Variants in SNTG1 observed in about 807,000 individuals in gnomAD.
SNTG1 encodes the protein syntrophin gamma 1, also known as gamma-1-syntrophin.
Under a neutral mutation model 74.7 loss-of-function variants are expected in SNTG1, and 39 were observed. That is an observed-to-expected ratio of 0.52 (90% CI 0.40 to 0.68). The LOEUF is 0.68. Among genes scored for constraint, SNTG1 ranks in the 30% least tolerant of loss-of-function variants. SNTG1 has a pLI of 0.00. For synonymous variants in SNTG1, 254 were observed against 217.1 expected (o/e 1.17, Z -1.49); for missense variants, 685 against 609.5 (o/e 1.12, Z -1.30).
intron 10 of SNTG1, 65 bp downstream of exon 10, chr8:50,530,324 G>A (rs972221417): frequency 1.2e-5 from 17 of 1,445,036 alleles, no homozygotes; most frequent in Non-Finnish European, 1.6e-5. Context: ...AAAACTGCTA[G>A]TGAATCTGAT....
In SNTG1 at chr8:50,753,188, C is replaced by A. The variant is rs1274811375; in HGVS notation, c.1395+1077C>A. ...ACACAGCCTCTTCCCTAAATATAGA[C>A]CCATCTCTGCACCGGCCCTTTCTCT... On this transcript the variant is annotated intron_variant, in intron 18 of 18. Transcript: ENST00000642720. Among the ~76,000 whole-genome samples, 3 of 152,046 alleles carry A rather than the reference C, an allele frequency of 2.0e-5. No individual in the cohort carries two copies. In the East Asian group the frequency reaches 5.9e-4, roughly 30 times the overall value.
At chr8:49,979,152 G>C (rs544732540) in intron 1 of SNTG1, among the ~76,000 whole-genome samples, 1 of 152,322 alleles carries the variant, frequency 6.6e-6, no homozygotes, top group African/African-American at 2.4e-5. Flanking sequence ...GGGAAGGACT[G>C]TCCCTTATGG....
chr8:50,191,915 A>T (rs970499242), intron 2 of SNTG1, among the ~76,000 whole-genome samples: 6 of 152,142 alleles, frequency 3.9e-5, no homozygotes, highest in African/African-American at 1.4e-4. Context: ...AATAACTCAA[A>T]AGCAAATGTA....
intron 2 of SNTG1, among the ~76,000 whole-genome samples, chr8:50,331,113 G>T (rs1252700131): frequency 6.6e-6 from 1 of 152,104 alleles, no homozygotes; most frequent in African/African-American, 2.4e-5. Context: ...TTTATCATGT[G>T]TGTGTGTATG....
intron 2 of SNTG1, among the ~76,000 whole-genome samples, chr8:50,262,282 CAGAGG>C (rs1204886114): frequency 6.6e-6 from 1 of 152,058 alleles, no homozygotes; most frequent in Non-Finnish European, 1.5e-5. Flanking sequence ...AAGTTTCCAG[CAGAGG>C]AAACTATAGA....
chr8:50,782,965 C>A (rs1245120775), intron 18 of SNTG1, among the ~76,000 whole-genome samples: 1 of 152,116 alleles, frequency 6.6e-6, no homozygotes, highest in East Asian at 1.9e-4. Flanking sequence ...TGCCAGAGGT[C>A]CACCCCAGAC....
At chr8:50,784,382 C>A (rs543641438) in intron 18 of SNTG1, among the ~76,000 whole-genome samples, 19 of 151,824 alleles carry the variant, frequency 1.3e-4, no homozygotes, top group Non-Finnish European at 2.1e-4. Flanking sequence ...GAAAAAAGAA[C>A]CCGAATAACT....
At chr8:50,389,090 T>C (rs1249989293) in intron 2 of SNTG1, among the ~76,000 whole-genome samples, 1 of 152,162 alleles carries the variant, frequency 6.6e-6, no homozygotes, top group Non-Finnish European at 1.5e-5. Flanking sequence ...ATTGCAGAAG[T>C]GCTAGAGGGC....
At position 50,091,599 on chromosome 8, in the gene SNTG1, T is replaced by C. The variant is rs559049482; in HGVS notation, c.-102-80962T>C. ...ATGTCCTCCAGGTTCATCTGTGTTG[T>C]CTAAAATGGTAAGATTTTCTTATTT... is the stretch of plus-strand genomic sequence containing the variant. On this transcript the variant is annotated intron_variant, in intron 1 of 18. Coordinates refer to ENST00000642720, the MANE Select transcript of SNTG1 (RefSeq NM_018967.5). Among the ~76,000 whole-genome samples, 102 of 152,258 alleles carry C rather than the reference T, an allele frequency of 6.7e-4. 2 individuals are homozygous for C. Among genetic ancestry groups the C allele is most frequent in the South Asian group, 3.7e-3 (18 of 4,828 alleles).
intron 13 of SNTG1, among the ~76,000 whole-genome samples, chr8:50,618,016 G>T (rs1351879666): frequency 6.6e-6 from 1 of 152,130 alleles, no homozygotes; most frequent in Non-Finnish European, 1.5e-5. Flanking sequence ...ATGGAAGAAA[G>T]TCTGGCAGAC....
chr8:50,299,154 G>A (rs545684520), intron 2 of SNTG1, among the ~76,000 whole-genome samples: 2 of 152,080 alleles, frequency 1.3e-5, no homozygotes, highest in Non-Finnish European at 2.9e-5. Flanking sequence ...TTTTAGCATG[G>A]CAGGTGTAGA....
chr8:50,600,392 A>G (rs995836981), intron 13 of SNTG1, among the ~76,000 whole-genome samples: 2 of 152,116 alleles, frequency 1.3e-5, no homozygotes, highest in African/African-American at 4.8e-5. Context: ...TAAATGTTTG[A>G]TAGAATTTAG....
chr8:50,058,114 T>C (rs1463697995), intron 1 of SNTG1, among the ~76,000 whole-genome samples: 7 of 152,106 alleles, frequency 4.6e-5, no homozygotes, highest in African/African-American at 1.7e-4. Flanking sequence ...CTTTGAGATT[T>C]CTAAAGCCAC....
chr8:50,048,129 T>C (rs1277582044), intron 1 of SNTG1, among the ~76,000 whole-genome samples: 1 of 152,152 alleles, frequency 6.6e-6, no homozygotes, highest in Non-Finnish European at 1.5e-5. Flanking sequence ...AATTTAAATT[T>C]ATTTATCAGA....
chr8:50,718,797 G>A (rs1361034956), intron 17 of SNTG1, among the ~76,000 whole-genome samples: 1 of 152,164 alleles, frequency 6.6e-6, no homozygotes, highest in African/African-American at 2.4e-5. Context: ...GTGAAGAATA[G>A]TGTGGCCTCA....
chr8:50,474,778 G>A (rs375326124), intron 8 of SNTG1, among the ~76,000 whole-genome samples: 7 of 152,104 alleles, frequency 4.6e-5, no homozygotes, highest in African/African-American at 9.6e-5. Flanking sequence ...ACATGCACAC[G>A]TATGTTTATT....
chr8:50,258,279 G>C (rs373676619), intron 2 of SNTG1, among the ~76,000 whole-genome samples: 1 of 152,168 alleles, frequency 6.6e-6, no homozygotes, highest in Admixed American at 6.5e-5. Context: ...TGAAATGTGA[G>C]AGTAGGAAAT....
chr8:50,754,489 T>C (rs2095575407), intron 18 of SNTG1, among the ~76,000 whole-genome samples: 1 of 151,886 alleles, frequency 6.6e-6, no homozygotes, highest in African/African-American at 2.4e-5. Context: ...ATGTATGTTA[T>C]ATCCTCTTTG....
In SNTG1 at chr8:50,768,631, A is replaced by G. The variant is rs543050107; in HGVS notation, c.1395+16520A>G. ...CTGGCTTTTCACAATTTGTGACTCT[A>G]TCTGGTATCTGAAACCAAAGGTTTT... is the stretch of plus-strand genomic sequence containing the variant. On this transcript the variant is annotated intron_variant, in intron 18 of 18. Transcript: ENST00000642720. 1.0e-3 allele frequency among the ~76,000 whole-genome samples: 158 copies of G among 152,150 alleles called. 1 individual carries two copies. Among genetic ancestry groups the G allele is most frequent in the African/African-American group, 3.7e-3 (152 of 41,562 alleles).
Sources: allele counts gnomAD v4.1 joint callset (sites outside exome capture counted in the v4.1 genomes callset), GRCh38; gene constraint gnomAD v4.1.1; transcripts MANE v1.5; gene names NCBI Gene and HGNC (gene_info 2026-07-23, HGNC 2026-07-21).